PRKCZ: variants seen among roughly 807,000 people sequenced by gnomAD.
The protein encoded by PRKCZ is protein kinase C zeta type.
Under a neutral mutation model 79.5 loss-of-function variants are expected in PRKCZ, and 33 were observed. That is an observed-to-expected ratio of 0.41 (90% confidence interval 0.31 to 0.55). The LOEUF (loss-of-function observed/expected upper bound fraction) is 0.55, where lower values mean the gene tolerates loss of function less well. Among genes scored for constraint, PRKCZ ranks in the 20% least tolerant of loss-of-function variants. The pLI is 0.19. For missense variants in PRKCZ, 578 were observed against 813.5 expected, an observed-to-expected ratio of 0.71 and a Z score of 3.52; for synonymous variants, 342 against 320.9, an observed-to-expected ratio of 1.07 and a Z score of -0.70.
chr1:2,120,559 G>A (rs1195800051), intron 4 of PRKCZ, among the ~76,000 whole-genome samples: 1 of 151,824 alleles, frequency 6.6e-6, no homozygotes, highest in Non-Finnish European at 1.5e-5. Context: ...GCCTCCCAAA[G>A]TGCTGGGATT....
chr1:2,083,902 G>A (rs993348267), intron 4 of PRKCZ, among the ~76,000 whole-genome samples: 30 of 152,290 alleles, frequency 2.0e-4, no homozygotes, highest in Middle Eastern at 6.8e-3. Flanking sequence ...TCTCTTTTGC[G>A]CTCGAATAGG....
chr1:2,169,490 GC>G (rs753033019), intron 10 of PRKCZ, 27 bp from the exon 11 acceptor site: 36 of 1,544,300 alleles, frequency 2.3e-5, no homozygotes, highest in Admixed American at 2.0e-5. Flanking sequence ...CGAGGTGACT[GC>G]AGCCTCCGGC....
Position 2,174,016 on chromosome 1 carries a change from G to A in PRKCZ, c.1405G>A (p.Val469Met). The change falls in exon 14 of 18, where the codon GTG (valine) becomes ATG (methionine). Residue 469 changes from valine (V) to methionine (M), a missense_variant and splice_region_variant. Around this residue, in one of 4 missense-constraint regions of PRKCZ, gnomAD observed 243 missense variants for 467.0 expected, o/e 0.52. Transcript: ENST00000378567. The surrounding 1 kb of genome is among the most constrained non-coding windows in gnomAD (Gnocchi z 6.2). ...GAACACAGAGGACTACCTTTTCCAA[G>A]GTGCGTGCCCCGCTGTGCGTTCGTA... ...DMNTEDYLFQ[V>M]ILEKPIRIPR... 2.5e-6 allele frequency: 4 copies of A among 1,606,000 alleles called. No homozygotes were observed. Among genetic ancestry groups the A allele is most frequent in the Non-Finnish European group, 3.4e-6 (4 of 1,175,130 alleles).
At chr1:2,142,488 A>T (rs1677577287) in intron 5 of PRKCZ, 2 of 288,696 alleles carry the variant, frequency 6.9e-6, no homozygotes, top group African/African-American at 4.6e-5. Flanking sequence ...GGGTCCACAC[A>T]TCCAGCAGGT....
At chr1:2,117,034 T>C (rs1299865548) in intron 4 of PRKCZ, among the ~76,000 whole-genome samples, 1 of 152,062 alleles carries the variant, frequency 6.6e-6, no homozygotes, top group East Asian at 1.9e-4. Context: ...ACTGCAGCCT[T>C]GACCTCCTGG....
intron 4 of PRKCZ, among the ~76,000 whole-genome samples, chr1:2,088,912 C>T (rs1319106469): frequency 1.3e-5 from 2 of 152,388 alleles, no homozygotes; most frequent in East Asian, 3.9e-4. Context: ...CTTGCTTGTA[C>T]TCCCTGGTGA....
At chr1:2,059,310 C>A in intron 3 of PRKCZ, among the ~76,000 whole-genome samples, 1 of 152,192 alleles carries the variant, frequency 6.6e-6, no homozygotes, top group East Asian at 1.9e-4. Flanking sequence ...CTGTCCAGGT[C>A]CCTCTGATTG....
chr1:2,104,436 G>C (rs549652675), intron 4 of PRKCZ, among the ~76,000 whole-genome samples: 2 of 152,290 alleles, frequency 1.3e-5, no homozygotes, highest in Admixed American at 6.5e-5. Context: ...CAGGGCCTCT[G>C]TGTCCAGTTC....
chr1:2,083,312 C>A (rs1346563463), intron 4 of PRKCZ, among the ~76,000 whole-genome samples: 1 of 151,812 alleles, frequency 6.6e-6, no homozygotes, highest in Non-Finnish European at 1.5e-5. Context: ...GCTCCGGGCT[C>A]AGCCAGTGGT....
At chr1:2,077,894 A>G (rs1315400659) in intron 4 of PRKCZ, among the ~76,000 whole-genome samples, 1 of 152,102 alleles carries the variant, frequency 6.6e-6, no homozygotes, top group Admixed American at 6.5e-5. Context: ...TTAATCATTG[A>G]GTGTTTACCT....
intron 4 of PRKCZ, among the ~76,000 whole-genome samples, chr1:2,069,387 A>G (rs1298340072): frequency 1.3e-5 from 2 of 152,126 alleles, no homozygotes; most frequent in East Asian, 3.9e-4. Context: ...TGGAGTGGAA[A>G]GGGAGTGGGT....
chr1:2,084,834 C>G (rs1664192161), intron 4 of PRKCZ, among the ~76,000 whole-genome samples: 1 of 152,226 alleles, frequency 6.6e-6, no homozygotes, highest in South Asian at 2.1e-4. Context: ...TGGCAAAACC[C>G]CATCTCTACA....
chr1:2,104,941 C>T, intron 4 of PRKCZ: 7 of 985,188 alleles, frequency 7.1e-6, no homozygotes, highest in Non-Finnish European at 8.4e-6. Context: ...GCACCCAGGC[C>T]TTTTATTCAG....
At chr1:2,179,059 C>T (rs979773513) in intron 16 of PRKCZ, among the ~76,000 whole-genome samples, 1 of 152,250 alleles carries the variant, frequency 6.6e-6, no homozygotes, top group Non-Finnish European at 1.5e-5. Flanking sequence ...GGCCTCTGCA[C>T]ACTGCCCTGG....
At chr1:2,141,931 G>A in intron 5 of PRKCZ, 1 of 306,854 alleles carries the variant, frequency 3.3e-6, no homozygotes, top group Admixed American at 4.9e-5. Flanking sequence ...TTTCACTCCA[G>A]GGTCCACACA....
chr1:2,089,812 C>T (rs1665174522), intron 4 of PRKCZ, among the ~76,000 whole-genome samples: 1 of 152,146 alleles, frequency 6.6e-6, no homozygotes. Flanking sequence ...GTGTGGTGAT[C>T]CCAGCTACTC....
intron 4 of PRKCZ, among the ~76,000 whole-genome samples, chr1:2,070,970 G>T (rs989815809): frequency 1.3e-5 from 2 of 150,744 alleles, no homozygotes; most frequent in South Asian, 2.1e-4. Flanking sequence ...GGGGTCCTTG[G>T]CCGGGACACC....
rs1031794174 is a variant in PRKCZ at position 2,177,247 on chromosome 1, G to C, written c.1575+1934G>C. Among the ~76,000 whole-genome samples, 2 of 152,166 alleles carry C rather than the reference G, an allele frequency of 1.3e-5. No individual in the cohort carries two copies. Among genetic ancestry groups the C allele is most frequent in the African/African-American group, 2.4e-5 (1 of 41,434 alleles). ...CGGTCCACACACACACTCAGGTCCA[G>C]GTACCACCCGGCTGAACCCGTAGCA... On this transcript the variant is annotated intron_variant, in intron 16 of 17. Transcript: ENST00000378567. The surrounding 1 kb of genome is among the most constrained non-coding windows in gnomAD (Gnocchi z 6.4).
chr1:2,103,542 T>G (rs1318192858), intron 4 of PRKCZ, among the ~76,000 whole-genome samples: 1 of 152,112 alleles, frequency 6.6e-6, no homozygotes, highest in African/African-American at 2.4e-5. Context: ...CCATCAGTCA[T>G]GCAGTCATGT....
Sources: gnomAD v4.1 joint callset for allele counts (sites outside exome capture counted in the v4.1 genomes callset) on GRCh38, gnomAD v4.1.1 for gene constraint, gnomAD v4.1.1 regional missense constraint, Gnocchi (gnomAD v3.1) non-coding constraint, MANE v1.5 for transcripts, NCBI Gene and HGNC (gene_info 2026-07-23, HGNC 2026-07-21) for gene names.